SMCO4: variants seen among roughly 807,000 people sequenced by gnomAD.
The protein encoded by SMCO4 is single-pass membrane and coiled-coil domain-containing protein 4.
In SMCO4, 4 loss-of-function variants were observed where a neutral mutation model predicts 3.6. The observed-to-expected ratio is 1.11, with a 90% CI of 0.54 to 2.53. SMCO4 has a LOEUF of 2.53. Among genes scored for constraint, SMCO4 ranks in the 30% most tolerant of loss-of-function variants. The probability of loss-of-function intolerance (pLI) is 0.02; values close to 1 mark genes in which losing one functional copy is unlikely to be tolerated. For synonymous variants in SMCO4, 36 were observed against 35.3 expected (o/e 1.02, Z -0.07); for missense variants, 70 against 80.8 (o/e 0.87, Z 0.51).
intron 1 of SMCO4, among the ~76,000 whole-genome samples, chr11:93,504,736 T>C (rs931249605): frequency 6.6e-6 from 1 of 152,196 alleles, no homozygotes; most frequent in Non-Finnish European, 1.5e-5. Flanking sequence ...ACAAATAGTA[T>C]ATTAACATTT....
At chr11:93,548,576 C>G in the SMCO4 span, among the ~76,000 whole-genome samples, 1 of 152,228 alleles carries the variant, frequency 6.6e-6, no homozygotes, top group Non-Finnish European at 1.5e-5. Context: ...GGGGACTTCA[C>G]TGCCAGAATC....
chr11:93,503,628 T>TAC (rs567455154), intron 1 of SMCO4, among the ~76,000 whole-genome samples: 65 of 152,226 alleles, frequency 4.3e-4, no homozygotes, highest in African/African-American at 1.5e-3. Context: ...AAAGGTAGAT[T>TAC]ACACACACAC....
intron 1 of SMCO4, among the ~76,000 whole-genome samples, chr11:93,532,837 T>C (rs1949176144): frequency 7.1e-6 from 1 of 141,786 alleles, no homozygotes; most frequent in Non-Finnish European, 1.5e-5. Flanking sequence ...GGCACTTTGT[T>C]ACAGCAGCCC....
rs11020393 is a variant in SMCO4, at chr11:93,510,692, G to A, written c.-153-11344C>T. ...CCTCCACCTCTTGATCTGCGGCTCA[G>A]GACTCCTTCACTACCACACTGCTCA... On this transcript the variant is annotated intron_variant, in intron 1 of 2. Coordinates refer to ENST00000298966, the MANE Select transcript of SMCO4 (RefSeq NM_020179.3). Among the ~76,000 whole-genome samples the A allele has an allele frequency of 2.6e-5, 4 of 152,226 alleles. No individual in the cohort carries two copies. The East Asian group carries it at 7.7e-4, about 29-fold the overall frequency.
At chr11:93,537,683 G>A (rs1172971592) in intron 1 of SMCO4, among the ~76,000 whole-genome samples, 7 of 151,956 alleles carry the variant, frequency 4.6e-5, no homozygotes, top group Middle Eastern at 3.2e-3. Context: ...ATTAAAACAT[G>A]TACCTGTCTG....
At chr11:93,543,935 TAC>T (rs1949294867), upstream of SMCO4, among the ~76,000 whole-genome samples, 1 of 152,250 alleles carries the variant, frequency 6.6e-6, no homozygotes. Context: ...TTTTGTAACT[TAC>T]ACGTGCATAT....
At chr11:93,544,275 A>G (rs531066206), upstream of SMCO4, among the ~76,000 whole-genome samples, 1 of 152,378 alleles carries the variant, frequency 6.6e-6, no homozygotes, top group African/African-American at 2.4e-5. Context: ...CTACTGATGC[A>G]GTAGGTGATT....
intron 1 of SMCO4, among the ~76,000 whole-genome samples, chr11:93,536,581 G>A (rs1190922836): frequency 6.6e-6 from 1 of 152,200 alleles, no homozygotes; most frequent in African/African-American, 2.4e-5. Flanking sequence ...GAAAACCATA[G>A]TGTATTTGTG....
At chr11:93,539,822 C>G (rs1949256900) in intron 1 of SMCO4, among the ~76,000 whole-genome samples, 1 of 152,066 alleles carries the variant, frequency 6.6e-6, no homozygotes, top group African/African-American at 2.4e-5. Flanking sequence ...GAAATTTCCC[C>G]CACACCAAAC....
upstream of SMCO4, among the ~76,000 whole-genome samples, chr11:93,546,197 C>T (rs1949314864): frequency 6.6e-6 from 1 of 152,214 alleles, no homozygotes; most frequent in African/African-American, 2.4e-5. Flanking sequence ...CTCTTGCTAG[C>T]GTTTTCTGTT....
upstream of SMCO4, among the ~76,000 whole-genome samples, chr11:93,546,104 A>C (rs1949313671): frequency 6.6e-6 from 1 of 152,260 alleles, no homozygotes; most frequent in Non-Finnish European, 1.5e-5. Flanking sequence ...TTTGTTATAC[A>C]GTAATAGATA....
At chr11:93,522,791 T>C (rs1949070099) in intron 1 of SMCO4, among the ~76,000 whole-genome samples, 2 of 152,108 alleles carry the variant, frequency 1.3e-5, no homozygotes, top group South Asian at 4.1e-4. Context: ...TCCCTTAGTG[T>C]CAAAAACCAC....
At chr11:93,485,523 A>G (rs2605599) in intron 2 of SMCO4, among the ~76,000 whole-genome samples, 105,573 of 152,136 alleles carry the variant, frequency 0.69, 37,068 homozygotes, top group East Asian at 0.99. Flanking sequence ...CTTCCTCCTC[A>G]GTGCTATCTC....
chr11:93,535,543 C>T, intron 1 of SMCO4: 4 of 1,431,266 alleles, frequency 2.8e-6, no homozygotes, highest in Admixed American at 1.7e-5. Flanking sequence ...CATCAGGCAG[C>T]ATCATATCAC....
chr11:93,493,233 C>G (rs1948738908), intron 2 of SMCO4, among the ~76,000 whole-genome samples: 1 of 152,158 alleles, frequency 6.6e-6, no homozygotes, highest in African/African-American at 2.4e-5. Context: ...GCACAGAAGC[C>G]TCCAGGTCAG....
intron 1 of SMCO4, among the ~76,000 whole-genome samples, chr11:93,532,274 C>A (rs1299451530): frequency 1.3e-5 from 2 of 152,208 alleles, no homozygotes; most frequent in African/African-American, 4.8e-5. Flanking sequence ...GTCAACTTGA[C>A]TGAACTAAAA....
At chr11:93,500,602 GAGTTGGTTATTCAGGAGTCATGAATGCC>G in intron 1 of SMCO4, among the ~76,000 whole-genome samples, 1 of 152,198 alleles carries the variant, frequency 6.6e-6, no homozygotes, top group Non-Finnish European at 1.5e-5. Context: ...AAGGGGAAGG[GAGTTGGTTATTCAGGAGTCATGAATGCC>G]AAGTAAAGGA....
chr11:93,504,819 A>C (rs1948883493), intron 1 of SMCO4, among the ~76,000 whole-genome samples: 1 of 152,240 alleles, frequency 6.6e-6, no homozygotes. Context: ...GGGGAAGGGA[A>C]GAGTCACTGG....
intron 2 of SMCO4, chr11:93,481,508 G>C (rs534569249): frequency 4.6e-4 from 457 of 985,380 alleles, no homozygotes; most frequent in Non-Finnish European, 5.5e-4. Flanking sequence ...GCGAATTCGT[G>C]CTAGCTGACA....
Sources: gnomAD v4.1 joint callset for allele counts (sites outside exome capture counted in the v4.1 genomes callset) on GRCh38, gnomAD v4.1.1 for gene constraint, MANE v1.5 for transcripts, NCBI Gene and HGNC (gene_info 2026-07-23, HGNC 2026-07-21) for gene names.